Variants in SRBD1 observed in about 807,000 individuals in gnomAD.
SRBD1 encodes S1 RNA-binding domain-containing protein 1.
In SRBD1, 88 loss-of-function variants were observed where a neutral mutation model predicts 115.3. The ratio of observed to expected loss-of-function variants is 0.76; its 90% CI spans 0.64 to 0.91. SRBD1 has a LOEUF of 0.91. Among genes scored for constraint, SRBD1 ranks in the 40% least tolerant of loss-of-function variants. The probability of loss-of-function intolerance (pLI) is 0.00; values close to 1 mark genes in which losing one functional copy is unlikely to be tolerated. For missense variants in SRBD1, 1,385 were observed against 1,177.4 expected (o/e 1.18, Z -2.58); for synonymous variants, 509 against 407.7 (o/e 1.25, Z -2.99).
intron 16 of SRBD1, among the ~76,000 whole-genome samples, chr2:45,435,200 T>A (rs1668456953): frequency 6.6e-6 from 1 of 152,092 alleles, no homozygotes; most frequent in Admixed American, 6.5e-5. Flanking sequence ...TGGTTCCAAG[T>A]CTTTGCTATT....
intron 16 of SRBD1, among the ~76,000 whole-genome samples, chr2:45,420,606 T>C (rs1433813364): frequency 6.6e-6 from 1 of 152,220 alleles, no homozygotes. Flanking sequence ...TAAGAAAATA[T>C]AAGCAATCTA....
chr2:45,541,887 G>C (rs866691811), intron 14 of SRBD1, among the ~76,000 whole-genome samples: 1 of 152,218 alleles, frequency 6.6e-6, no homozygotes, highest in Non-Finnish European at 1.5e-5. Context: ...TTGGTCCATG[G>C]GCAGCCATGG....
chr2:45,580,053 A>G (rs768775400), intron 6 of SRBD1, 40 bp from the exon 7 acceptor site: 2 of 1,441,854 alleles, frequency 1.4e-6, no homozygotes, highest in Non-Finnish European at 1.8e-6. Context: ...TATGTTTTAA[A>G]AAAACAAAAG....
At chr2:45,521,320 A>ACACACACACAC (rs1558451567) in intron 14 of SRBD1, among the ~76,000 whole-genome samples, 3 of 111,488 alleles carry the variant, frequency 2.7e-5, no homozygotes, top group African/African-American at 9.8e-5. Context: ...CACACACACA[A>ACACACACACAC]ACCAAACTCG....
At chr2:45,500,899 T>G (rs551504638) in intron 14 of SRBD1, among the ~76,000 whole-genome samples, 1 of 152,332 alleles carries the variant, frequency 6.6e-6, no homozygotes, top group East Asian at 1.9e-4. Flanking sequence ...TTCTCTTGCC[T>G]AAATGCTCTG....
At chr2:45,451,272 T>G (rs1668984375) in intron 16 of SRBD1, among the ~76,000 whole-genome samples, 1 of 152,128 alleles carries the variant, frequency 6.6e-6, no homozygotes. Flanking sequence ...TTTTGGCATT[T>G]ATTCTCACCG....
At position 45,551,185 on chromosome 2, in the gene SRBD1, A is replaced by C. The variant is rs143602908; in HGVS notation, c.1615T>G (p.Leu539Val). ...LLTSPVPGRT[L>V]MGVDPGYKHG... ...TTATAACCAGGATCCACTCCCATTA[A>C]GGTGCGCCCTGGAACAGGGCTTGTT... Residue 539 changes from leucine to valine, a missense_variant, in exon 12 of 21, where the codon TTA becomes GTA. Physicochemically the swap from Leu to Val is conservative, Grantham distance 32. Transcript: ENST00000263736. 5.0e-6 allele frequency: 8 copies of C among 1,612,542 alleles called. No homozygotes were observed. In the East Asian group the frequency reaches 1.3e-4, roughly 27 times the overall value.
chr2:45,410,636 G>A (rs1344517515), intron 19 of SRBD1, among the ~76,000 whole-genome samples: 3 of 152,156 alleles, frequency 2.0e-5, no homozygotes, highest in Non-Finnish European at 4.4e-5. Flanking sequence ...TCAGGATAGG[G>A]GATGGTCACC....
At chr2:45,481,227 G>C (rs770614495) in intron 15 of SRBD1, among the ~76,000 whole-genome samples, 2 of 152,096 alleles carry the variant, frequency 1.3e-5, no homozygotes, top group African/African-American at 2.4e-5. Flanking sequence ...AATGTCATGC[G>C]ACATTTTTAT....
intron 14 of SRBD1, among the ~76,000 whole-genome samples, chr2:45,531,917 C>T (rs1458773685): frequency 1.3e-5 from 2 of 151,762 alleles, no homozygotes; most frequent in Non-Finnish European, 2.9e-5. Flanking sequence ...GAATAAGATA[C>T]TGACACTGCC....
intron 19 of SRBD1, among the ~76,000 whole-genome samples, chr2:45,412,553 ACT>A (rs1667634535): frequency 6.6e-6 from 1 of 152,130 alleles, no homozygotes; most frequent in Non-Finnish European, 1.5e-5. Context: ...GTAGCAAGTC[ACT>A]GTTTTTGAAC....
chr2:45,487,695 C>T (rs900069969), intron 15 of SRBD1, among the ~76,000 whole-genome samples: 3 of 152,062 alleles, frequency 2.0e-5, no homozygotes, highest in African/African-American at 7.2e-5. Context: ...TGCTCTGTCA[C>T]CCAGGCTGGA....
chr2:45,395,845 T>G (rs1210078745), intron 19 of SRBD1, among the ~76,000 whole-genome samples: 1 of 152,180 alleles, frequency 6.6e-6, no homozygotes, highest in Admixed American at 6.5e-5. Flanking sequence ...TCCTTAAATA[T>G]CCTAAGAAAA....
In SRBD1 at chr2:45,573,269, C is replaced by A; in HGVS notation, c.1243G>T (p.Val415Phe). Residue 415 changes from valine (V) to phenylalanine (F), a missense_variant, in exon 9 of 21, where the codon GTT becomes TTT. Val to Phe is a conservative substitution (Grantham distance 50). Coordinates refer to ENST00000263736, the MANE Select transcript of SRBD1 (RefSeq NM_018079.5). The stretch of plus-strand genomic sequence containing the variant: ...TGCTGGTAGAGCAGAAACTTATCAA[C>A]ATCTTTCTCATTTACCTTTTTTGAG... Reference protein sequence around the residue: ...VSSKKVNEKDVDKFLLYQHFS... With the variant: ...VSSKKVNEKDFDKFLLYQHFS... The A allele has an allele frequency of 6.2e-7, 1 of 1,612,478 alleles. No individual in the cohort carries two copies. The highest frequency in any genetic ancestry group is 8.5e-7 in the Non-Finnish European group (1 of 1,179,366).
In SRBD1 at chr2:45,471,596, G is replaced by A. The variant is rs560475859; in HGVS notation, c.2049+5397C>T. ...TTTAATAGGTATTAACTATTTGCTA[G>A]AAATAGTAATTTAGACTTCTACCAG... On this transcript the variant is annotated intron_variant, in intron 16 of 20. Transcript: ENST00000263736. 3.3e-5 allele frequency among the ~76,000 whole-genome samples: 5 copies of A among 152,246 alleles called. No homozygotes were observed. The South Asian group carries it at 1.0e-3, about 32-fold the overall frequency.
intron 14 of SRBD1, among the ~76,000 whole-genome samples, chr2:45,524,994 C>CA (rs1315980839): frequency 3.9e-5 from 6 of 151,928 alleles, no homozygotes; most frequent in African/African-American, 1.4e-4. Flanking sequence ...CACATGTCTA[C>CA]GGTCAACTGA....
chr2:45,475,291 A>C (rs978349287), intron 16 of SRBD1, among the ~76,000 whole-genome samples: 4 of 152,164 alleles, frequency 2.6e-5, no homozygotes, highest in Non-Finnish European at 5.9e-5. Context: ...ACTTTGTCCA[A>C]GCACTATTAT....
intron 20 of SRBD1, among the ~76,000 whole-genome samples, chr2:45,390,825 C>G (rs1013640316): frequency 6.6e-6 from 1 of 152,146 alleles, no homozygotes; most frequent in Non-Finnish European, 1.5e-5. Context: ...AAATAAAAAC[C>G]TTCTTTAAAC....
chr2:45,448,238 T>C (rs1558401887), intron 16 of SRBD1: 1 of 152,206 alleles, frequency 6.6e-6, no homozygotes, highest in South Asian at 2.1e-4. Context: ...TTAATCTCTT[T>C]GTGCTTCAAG....
Sources: gnomAD v4.1 joint callset for allele counts (sites outside exome capture counted in the v4.1 genomes callset) on GRCh38, gnomAD v4.1.1 for gene constraint, MANE v1.5 for transcripts, NCBI Gene and HGNC (gene_info 2026-07-23, HGNC 2026-07-21) for gene names.